The following AUH variants were observed in gnomAD, a reference collection of about 807,000 sequenced individuals.
AUH encodes the protein methylglutaconyl-CoA hydratase, mitochondrial.
In AUH, 29 loss-of-function variants were observed where a neutral mutation model predicts 42.3. The observed-to-expected ratio is 0.69, with a 90% confidence interval of 0.51 to 0.93. AUH has a LOEUF of 0.93. AUH is among the 40% of genes least tolerant of loss of function. The pLI is 0.00. For missense variants in AUH, 452 were observed against 438.1 expected (o/e 1.03, Z -0.28); for synonymous variants, 174 against 166.4 (o/e 1.05, Z -0.35).
chr9:91,318,322 A>T (rs1276824174), intron 4 of AUH, among the ~76,000 whole-genome samples: 2 of 152,062 alleles, frequency 1.3e-5, no homozygotes, highest in African/African-American at 2.4e-5. Context: ...GCTTTTAGAA[A>T]TTTTTTTTCC....
At chr9:91,285,009 A>T (rs2131587661) in intron 6 of AUH, among the ~76,000 whole-genome samples, 1 of 152,298 alleles carries the variant, frequency 6.6e-6, no homozygotes, top group South Asian at 2.1e-4. Context: ...ACACATGCAC[A>T]CGTATGTTTA....
chr9:91,327,375 A>G (rs1235103774), intron 3 of AUH, among the ~76,000 whole-genome samples: 1 of 151,776 alleles, frequency 6.6e-6, no homozygotes, highest in East Asian at 1.9e-4. Context: ...TATTACCCTC[A>G]CTCTCTTGAT....
intron 6 of AUH, among the ~76,000 whole-genome samples, chr9:91,268,813 G>A (rs1219142662): frequency 6.6e-6 from 1 of 152,022 alleles, no homozygotes; most frequent in African/African-American, 2.4e-5. Flanking sequence ...TCTTCTTTGA[G>A]GTAAATCCAT....
intron 3 of AUH, among the ~76,000 whole-genome samples, chr9:91,327,381 T>C (rs1050073425): frequency 6.6e-6 from 1 of 152,180 alleles, no homozygotes; most frequent in African/African-American, 2.4e-5. Flanking sequence ...CCTCACTCTC[T>C]TGATTGGTTC....
intron 3 of AUH, among the ~76,000 whole-genome samples, chr9:91,346,342 T>C (rs894137105): frequency 6.6e-6 from 1 of 151,956 alleles, no homozygotes; most frequent in Non-Finnish European, 1.5e-5. Context: ...CCATAAAAAA[T>C]CCCTGAAACA....
intron 6 of AUH, among the ~76,000 whole-genome samples, chr9:91,267,613 G>A (rs1205851779): frequency 6.6e-6 from 1 of 152,118 alleles, no homozygotes; most frequent in Admixed American, 6.5e-5. Context: ...GGAGTACACA[G>A]CATTCTCCCT....
intron 4 of AUH, among the ~76,000 whole-genome samples, chr9:91,311,824 T>C (rs1187491032): frequency 2.0e-5 from 3 of 152,192 alleles, no homozygotes; most frequent in Non-Finnish European, 2.9e-5. Context: ...TGTTAATAGA[T>C]CCTGATAATT....
intron 3 of AUH, among the ~76,000 whole-genome samples, chr9:91,335,790 T>C (rs914657752): frequency 2.0e-5 from 3 of 152,250 alleles, no homozygotes; most frequent in Non-Finnish European, 4.4e-5. Context: ...AATTTCCCAA[T>C]GTAGGGGACT....
chr9:91,282,789 A>G (rs1337492597), intron 6 of AUH, among the ~76,000 whole-genome samples: 1 of 152,226 alleles, frequency 6.6e-6, no homozygotes, highest in Non-Finnish European at 1.5e-5. Flanking sequence ...GAATAGACCA[A>G]TAACAGGCTC....
At chr9:91,227,472 T>C (rs1369655298) in intron 6 of AUH, among the ~76,000 whole-genome samples, 1 of 128,170 alleles carries the variant, frequency 7.8e-6, no homozygotes, top group Non-Finnish European at 1.7e-5. Flanking sequence ...TGGGGTTTTC[T>C]AGATATACAA....
chr9:91,358,773 G>C (rs1832629040), intron 1 of AUH, among the ~76,000 whole-genome samples: 1 of 152,174 alleles, frequency 6.6e-6, no homozygotes, highest in African/African-American at 2.4e-5. Flanking sequence ...TCTGAGACTT[G>C]ATGTTTTGAG....
chr9:91,309,936 T>C (rs1034597350), intron 4 of AUH, among the ~76,000 whole-genome samples: 5 of 117,346 alleles, frequency 4.3e-5, no homozygotes, highest in Non-Finnish European at 6.8e-5. Flanking sequence ...GTCCTCAGAC[T>C]TTTTTTTATC....
chr9:91,247,547 A>G (rs1056581476), intron 6 of AUH, among the ~76,000 whole-genome samples: 1 of 152,094 alleles, frequency 6.6e-6, no homozygotes, highest in Admixed American at 6.5e-5. Context: ...CTATTCTCCA[A>G]TTTAAAACAA....
intron 3 of AUH, among the ~76,000 whole-genome samples, chr9:91,331,436 G>GT (rs1320346449): frequency 6.6e-6 from 1 of 152,160 alleles, no homozygotes; most frequent in Non-Finnish European, 1.5e-5. Context: ...TATTTCAAGT[G>GT]TATCTAATAA....
chr9:91,327,543 G>C (rs560278316), intron 3 of AUH, among the ~76,000 whole-genome samples: 8 of 152,222 alleles, frequency 5.3e-5, no homozygotes, highest in Non-Finnish European at 1.2e-4. Context: ...TCACAGCTGA[G>C]AGCTTTCCTT....
intron 4 of AUH, among the ~76,000 whole-genome samples, chr9:91,319,850 G>T (rs187249862): frequency 6.6e-6 from 1 of 152,152 alleles, no homozygotes; most frequent in Non-Finnish European, 1.5e-5. Flanking sequence ...AAGGTCAAAC[G>T]GTGCGCCTGA....
chr9:91,270,596 C>A (rs140565526), intron 6 of AUH, among the ~76,000 whole-genome samples: 1 of 152,074 alleles, frequency 6.6e-6, no homozygotes, highest in South Asian at 2.1e-4. Flanking sequence ...AAAGTAGACA[C>A]CCCTTGTAGA....
intron 4 of AUH, among the ~76,000 whole-genome samples, chr9:91,306,153 G>C (rs1241172272): frequency 6.6e-6 from 1 of 152,152 alleles, no homozygotes; most frequent in Non-Finnish European, 1.5e-5. Flanking sequence ...CAGTGTGGCA[G>C]TGCCCCCCAG....
In AUH at chr9:91,355,950, A is replaced by G; in HGVS notation, c.351T>C (p.Ala117=). 1.9e-6 allele frequency: 3 copies of G among 1,613,738 alleles called. No homozygotes were observed. In the African/African-American group the frequency reaches 4.0e-5, roughly 22 times the overall value. ...LIKMLSKAVD[A]LKSDKKVRTI... is the part of the protein sequence containing the mutation. ...TCCGTACTTTCTTATCAGATTTCAA[A>G]GCATCCACAGCTTTTGATAGCTAAA... The change falls in exon 3 of 10, where the codon GCT becomes GCC. Residue 117 remains alanine, a synonymous_variant. Coordinates refer to ENST00000375731, the MANE Select transcript of AUH (RefSeq NM_001698.3).
Sources: allele counts gnomAD v4.1 joint callset (sites outside exome capture counted in the v4.1 genomes callset), GRCh38; gene constraint gnomAD v4.1.1; transcripts MANE v1.5; gene names NCBI Gene and HGNC (gene_info 2026-07-23, HGNC 2026-07-21).